The following PAPPA variants were observed in gnomAD, a reference collection of about 807,000 sequenced individuals.
The protein encoded by PAPPA is pappalysin-1.
Under a neutral mutation model 164.0 loss-of-function variants are expected in PAPPA, and 60 were observed. That is an observed-to-expected ratio of 0.37 (90% CI 0.30 to 0.45). PAPPA has a LOEUF of 0.45. Among genes scored for constraint, PAPPA ranks in the 20% least tolerant of loss-of-function variants. PAPPA has a pLI of 1.00. For synonymous variants in PAPPA, 875 were observed against 814.1 expected (o/e 1.07, Z -1.27); for missense variants, 1,782 against 2,087.3 (o/e 0.85, Z 2.85).
intron 19 of PAPPA, among the ~76,000 whole-genome samples, chr9:116,376,684 G>T (rs181064875): frequency 2.8e-4 from 42 of 152,252 alleles, no homozygotes; most frequent in African/African-American, 9.1e-4. Flanking sequence ...ATAAATAAGT[G>T]CCTATAAGCT....
At chr9:116,272,963 TTG>T (rs973203711) in intron 9 of PAPPA, among the ~76,000 whole-genome samples, 1 of 152,088 alleles carries the variant, frequency 6.6e-6, no homozygotes, top group African/African-American at 2.4e-5. Context: ...TGCACTTCTG[TTG>T]TGTGATTTTT....
At chr9:116,203,688 T>C (rs370551856) in intron 2 of PAPPA, among the ~76,000 whole-genome samples, 1 of 152,216 alleles carries the variant, frequency 6.6e-6, no homozygotes, top group Admixed American at 6.5e-5. Context: ...ACTTAACCCG[T>C]GTTGCCTCTA....
chr9:116,297,745 C>T (rs918335169), intron 9 of PAPPA, among the ~76,000 whole-genome samples: 2 of 152,158 alleles, frequency 1.3e-5, no homozygotes, highest in Non-Finnish European at 2.9e-5. Context: ...GGGTCTAGGG[C>T]TGGGTAGAGA....
intron 1 of PAPPA, among the ~76,000 whole-genome samples, chr9:116,166,316 C>T (rs1243195316): frequency 2.0e-5 from 3 of 152,208 alleles, no homozygotes; most frequent in Non-Finnish European, 1.5e-5. Flanking sequence ...CTTCGCCTCT[C>T]AGCCCTGTGC....
Position 116,396,703 on chromosome 9 carries a change from T to C in PAPPA, c.*87T>C, listed in dbSNP as rs562536913. On this transcript the variant is annotated 3_prime_UTR_variant, in exon 22 of 22. Coordinates refer to ENST00000328252, the MANE Select transcript of PAPPA (RefSeq NM_002581.5). ...TTTCACAGTCAGCTGCTCAACGGAA[T>C]GGCCTCTCCACACCAGGGATCCTTA... 1 of 716,956 alleles carries C rather than the reference T, an allele frequency of 1.4e-6. No homozygotes were observed. The highest frequency in any genetic ancestry group is 2.5e-5 in the East Asian group (1 of 39,910). 44.4% of individuals were successfully genotyped at this position (716,956 alleles called of 1,614,324 possible). A position where few individuals can be genotyped will look rare whatever the true frequency, so the allele number is the denominator to read the frequency against.
At chr9:116,198,636 A>G (rs1189265819) in intron 2 of PAPPA, among the ~76,000 whole-genome samples, 1 of 152,218 alleles carries the variant, frequency 6.6e-6, no homozygotes, top group Non-Finnish European at 1.5e-5. Flanking sequence ...ATCGGGGGTC[A>G]GAGTAGCTTT....
At chr9:116,297,709 T>C (rs981015210) in intron 9 of PAPPA, among the ~76,000 whole-genome samples, 2 of 152,198 alleles carry the variant, frequency 1.3e-5, no homozygotes, top group Non-Finnish European at 2.9e-5. Flanking sequence ...TCCTCTTTAA[T>C]CATGTCTATC....
At chr9:116,182,168 T>C (rs1249151830) in intron 1 of PAPPA, among the ~76,000 whole-genome samples, 2 of 152,234 alleles carry the variant, frequency 1.3e-5, no homozygotes, top group African/African-American at 4.8e-5. Flanking sequence ...GCAATGCTGA[T>C]AGACTTGTTG....
intron 8 of PAPPA, among the ~76,000 whole-genome samples, chr9:116,266,504 A>G (rs1291328362): frequency 6.6e-6 from 1 of 152,226 alleles, no homozygotes; most frequent in African/African-American, 2.4e-5. Flanking sequence ...ACTCACTACA[A>G]TGTTTAAACC....
intron 21 of PAPPA, among the ~76,000 whole-genome samples, chr9:116,390,385 CCCTGAG>C (rs1822421393): frequency 6.6e-6 from 1 of 152,012 alleles, no homozygotes; most frequent in African/African-American, 2.4e-5. Flanking sequence ...AATTATAATT[CCCTGAG>C]TATGCCCAGA....
chr9:116,308,543 G>A (rs1252170326), intron 10 of PAPPA, among the ~76,000 whole-genome samples: 2 of 152,176 alleles, frequency 1.3e-5, no homozygotes, highest in African/African-American at 4.8e-5. Context: ...ATCTCTATAA[G>A]GGGCAGAACC....
chr9:116,375,068 C>T (rs190407580), intron 19 of PAPPA, among the ~76,000 whole-genome samples: 1 of 152,314 alleles, frequency 6.6e-6, no homozygotes. Context: ...ACTAGGTTTA[C>T]CATTTTCACA....
chr9:116,365,741 T>C (rs1846493223), intron 18 of PAPPA, among the ~76,000 whole-genome samples: 1 of 152,134 alleles, frequency 6.6e-6, no homozygotes, highest in African/African-American at 2.4e-5. Context: ...TAGGGATTTT[T>C]GCTCCTTATT....
At chr9:116,277,171 C>G (rs527929260) in intron 9 of PAPPA, among the ~76,000 whole-genome samples, 1 of 152,146 alleles carries the variant, frequency 6.6e-6, no homozygotes, top group African/African-American at 2.4e-5. Flanking sequence ...CCACCTCTCA[C>G]CTTAAAAAAA....
chr9:116,195,002 G>A (rs2118647097), intron 2 of PAPPA, among the ~76,000 whole-genome samples: 1 of 152,252 alleles, frequency 6.6e-6, no homozygotes, highest in East Asian at 1.9e-4. Flanking sequence ...TTTGCACACT[G>A]GCTTACTTTT....
chr9:116,352,647 A>G (rs998838108), intron 15 of PAPPA, 59 bp from the exon 16 acceptor site: 11 of 1,356,756 alleles, frequency 8.1e-6, no homozygotes, highest in Non-Finnish European at 8.4e-6. Context: ...GTAGCTATAC[A>G]TTAGCTTGGC....
At chr9:116,199,902 A>G (rs552433472) in intron 2 of PAPPA, among the ~76,000 whole-genome samples, 32 of 152,000 alleles carry the variant, frequency 2.1e-4, no homozygotes, top group African/African-American at 7.7e-4. Flanking sequence ...GAGTGGGGAG[A>G]CGATAGAGTC....
At position 116,243,788 on chromosome 9, in the gene PAPPA, C is replaced by G. The variant is rs533111214; in HGVS notation, c.2732+8151C>G. Among the ~76,000 whole-genome samples, 8 of 152,150 alleles carry G rather than the reference C, an allele frequency of 5.3e-5. No homozygotes were observed. In the South Asian group the frequency reaches 1.7e-3, roughly 32 times the overall value. On this transcript the variant is annotated intron_variant, in intron 7 of 21. Coordinates refer to ENST00000328252, the MANE Select transcript of PAPPA (RefSeq NM_002581.5). ...GGAGGCTTAGGAAGTGTGGACATGGCCAAACCAGCATGATTTCCAGTAACC... is the reference window on the plus strand; with the variant it reads ...GGAGGCTTAGGAAGTGTGGACATGGGCAAACCAGCATGATTTCCAGTAACC...
intron 6 of PAPPA, among the ~76,000 whole-genome samples, chr9:116,230,805 T>C (rs558571293): frequency 6.6e-6 from 1 of 152,318 alleles, no homozygotes; most frequent in South Asian, 2.1e-4. Flanking sequence ...CGCCATGTTT[T>C]ATCTGTAGCC....
Sources: gnomAD v4.1 joint callset for allele counts (sites outside exome capture counted in the v4.1 genomes callset) on GRCh38, gnomAD v4.1.1 for gene constraint, MANE v1.5 for transcripts, NCBI Gene and HGNC (gene_info 2026-07-23, HGNC 2026-07-21) for gene names.